The following XPO7 variants were observed in gnomAD, a reference collection of about 807,000 sequenced individuals.
The protein encoded by XPO7 is exportin 7, also known as exportin-7.
Under a neutral mutation model 144.3 loss-of-function variants are expected in XPO7, and 21 were observed. The ratio of observed to expected loss-of-function variants is 0.15; its 90% CI spans 0.10 to 0.21. XPO7 has a LOEUF of 0.21. XPO7 is among the 10% of genes least tolerant of loss of function. The pLI, the probability that XPO7 is intolerant of heterozygous loss-of-function variation, is 1.00. For missense variants in XPO7, 808 were observed against 1,325.8 expected, an observed-to-expected ratio of 0.61 and a Z score of 6.06; for synonymous variants, 580 against 499.6, an observed-to-expected ratio of 1.16 and a Z score of -2.15.
chr8:21,974,920 G>A, intron 6 of XPO7, 146 bp downstream of exon 6: 1 of 663,204 alleles, frequency 1.5e-6, no homozygotes, highest in Admixed American at 3.6e-5. Flanking sequence ...ACTCATAGAG[G>A]CGTTGAAGAA....
intron 2 of XPO7, 77 bp downstream of exon 2, chr8:21,967,080 A>G (rs1811909111): frequency 1.3e-6 from 2 of 1,525,246 alleles, no homozygotes; most frequent in Non-Finnish European, 1.8e-6. Context: ...TAGGAATGGC[A>G]TGGGATGGCT....
intron 1 of XPO7, among the ~76,000 whole-genome samples, chr8:21,959,992 G>T (rs531465189): frequency 1.3e-5 from 2 of 152,176 alleles, no homozygotes; most frequent in Non-Finnish European, 2.9e-5. Flanking sequence ...GCCCAAATCT[G>T]TTGTCCTATC....
chr8:21,973,709 A>T (rs1812137688), intron 5 of XPO7, among the ~76,000 whole-genome samples: 1 of 152,240 alleles, frequency 6.6e-6, no homozygotes. Context: ...AGCTTTCAGT[A>T]CATGGTTAGA....
At chr8:21,937,485 G>A (rs1218863861) in intron 1 of XPO7, among the ~76,000 whole-genome samples, 1 of 152,172 alleles carries the variant, frequency 6.6e-6, no homozygotes, top group Non-Finnish European at 1.5e-5. Context: ...GACTGTGCTT[G>A]TCTAGTTTCC....
intron 1 of XPO7, among the ~76,000 whole-genome samples, chr8:21,936,425 G>A (rs1810824155): frequency 6.6e-6 from 1 of 152,166 alleles, no homozygotes; most frequent in African/African-American, 2.4e-5. Flanking sequence ...TGTGAAGAAT[G>A]TTTGATGCTT....
At chr8:21,949,833 G>C (rs935626157) in intron 1 of XPO7, among the ~76,000 whole-genome samples, 1 of 152,174 alleles carries the variant, frequency 6.6e-6, no homozygotes, top group African/African-American at 2.4e-5. Flanking sequence ...AGCTTCAAGC[G>C]ATTCTCCTGC....
intron 1 of XPO7, among the ~76,000 whole-genome samples, chr8:21,949,628 A>G (rs76571205): frequency 6.6e-6 from 1 of 152,232 alleles, no homozygotes; most frequent in Non-Finnish European, 1.5e-5. Flanking sequence ...CACGTGGTTC[A>G]TGACTTTCTT....
At chr8:21,978,589 C>G (rs1389183837) in intron 8 of XPO7, among the ~76,000 whole-genome samples, 1 of 152,172 alleles carries the variant, frequency 6.6e-6, no homozygotes, top group Non-Finnish European at 1.5e-5. Flanking sequence ...AAAGGTAGCA[C>G]AGTCAAGAGG....
chr8:21,946,589 A>C (rs1353841934), intron 1 of XPO7, among the ~76,000 whole-genome samples: 13 of 150,376 alleles, frequency 8.6e-5, no homozygotes, highest in Admixed American at 2.0e-4. Context: ...AAAAAAACAA[A>C]AAAAAAAAAC....
At chr8:21,930,684 CATA>C (rs1165286557) in intron 1 of XPO7, among the ~76,000 whole-genome samples, 1 of 152,258 alleles carries the variant, frequency 6.6e-6, no homozygotes, top group Admixed American at 6.5e-5. Context: ...CCTGTTGTAG[CATA>C]ATAATTGTAC....
intron 25 of XPO7, among the ~76,000 whole-genome samples, chr8:22,002,674 G>T (rs1187052249): frequency 2.0e-5 from 3 of 152,156 alleles, no homozygotes; most frequent in African/African-American, 7.2e-5. Context: ...GCCACAGAGA[G>T]ATCAAACCAT....
At chr8:21,938,947 C>G (rs570008858) in intron 1 of XPO7, among the ~76,000 whole-genome samples, 1 of 152,038 alleles carries the variant, frequency 6.6e-6, no homozygotes, top group Non-Finnish European at 1.5e-5. Flanking sequence ...AGAATAATTG[C>G]CCTTCTGTCT....
chr8:21,924,897 C>T (rs146918740), intron 1 of XPO7, among the ~76,000 whole-genome samples: 3 of 152,180 alleles, frequency 2.0e-5, no homozygotes, highest in African/African-American at 4.8e-5. Context: ...ATGGTGACCA[C>T]TTAAGCATCT....
chr8:21,952,847 T>G (rs1393066227), intron 1 of XPO7, among the ~76,000 whole-genome samples: 1 of 152,218 alleles, frequency 6.6e-6, no homozygotes, highest in Non-Finnish European at 1.5e-5. Flanking sequence ...TATTAAATAT[T>G]GGTTAGTAAA....
Position 21,984,756 on chromosome 8 carries a change from A to G in XPO7, c.1388A>G (p.Gln463Arg). The G allele has an allele frequency of 6.2e-7, 1 of 1,614,008 alleles. No individual in the cohort carries two copies. The highest frequency in any genetic ancestry group is 8.5e-7 in the Non-Finnish European group (1 of 1,179,900). ...GAGAAGACGTGTGCACTCCTCGTGC[A>G]GTTGTTTGACCAGTCGGCCCAGTCG... ...EYEKTCALLV[Q>R]LFDQSAQSYQ... Residue 463 changes from glutamine to arginine, a missense_variant, in exon 12 of 28, where the codon CAG becomes CGG. Gln to Arg is a conservative substitution (Grantham distance 43). Transcript: ENST00000252512.
At chr8:22,000,045 A>G (rs563695667) in intron 24 of XPO7, among the ~76,000 whole-genome samples, 1 of 152,202 alleles carries the variant, frequency 6.6e-6, no homozygotes, top group African/African-American at 2.4e-5. Context: ...AAGAATACCT[A>G]GACTCTTGGT....
chr8:21,976,649 T>A, intron 7 of XPO7, 128 bp downstream of exon 7: 1 of 1,154,840 alleles, frequency 8.7e-7, no homozygotes, highest in Non-Finnish European at 1.2e-6. Flanking sequence ...TTCTAACGTC[T>A]TTTTTTGTTT....
At chr8:21,922,082 T>C (rs1404009784) in intron 1 of XPO7, among the ~76,000 whole-genome samples, 1 of 152,174 alleles carries the variant, frequency 6.6e-6, no homozygotes, top group Non-Finnish European at 1.5e-5. Flanking sequence ...GTGAAGTTTA[T>C]AAAGGTGTCT....
intron 1 of XPO7, among the ~76,000 whole-genome samples, chr8:21,926,535 C>G (rs902761830): frequency 6.6e-6 from 1 of 151,610 alleles, no homozygotes; most frequent in Non-Finnish European, 1.5e-5. Flanking sequence ...ATGAGTTTGG[C>G]AAAAATTATT....
Sources: allele counts gnomAD v4.1 joint callset (sites outside exome capture counted in the v4.1 genomes callset), GRCh38; gene constraint gnomAD v4.1.1; transcripts MANE v1.5; gene names NCBI Gene and HGNC (gene_info 2026-07-23, HGNC 2026-07-21).